The following ZNF182 variants were observed in gnomAD, a reference collection of about 807,000 sequenced individuals.
ZNF182 encodes zinc finger protein 21 (KOX 14).
In ZNF182, 10 loss-of-function variants were observed where a neutral mutation model predicts 28.1. The ratio of observed to expected loss-of-function variants is 0.36; its 90% confidence interval spans 0.22 to 0.60. The LOEUF is 0.60. ZNF182 is among the 20% of genes least tolerant of loss of function. The pLI is 0.75. For synonymous variants in ZNF182, 156 were observed against 158.7 expected (o/e 0.98, Z 0.13); for missense variants, 352 against 453.2 (o/e 0.78, Z 2.03).
intron 3 of ZNF182, among the ~76,000 whole-genome samples, chrX:47,994,287 A>G (rs983403971): frequency 8.9e-6 from 1 of 112,584 alleles, no homozygotes; most frequent in East Asian, 2.8e-4. Context: ...ACTGTCTACC[A>G]CCAATTCTAT....
intron 5 of ZNF182, among the ~76,000 whole-genome samples, chrX:47,979,471 G>C (rs2058896867): frequency 1.8e-5 from 2 of 110,677 alleles, no homozygotes; most frequent in South Asian, 3.8e-4. Flanking sequence ...CCTTTCACTT[G>C]GTCTATGACC....
chrX:47,996,497 T>C (rs1389552270), intron 3 of ZNF182, among the ~76,000 whole-genome samples: 1 of 111,416 alleles, frequency 9.0e-6, no homozygotes, highest in East Asian at 2.8e-4. Context: ...AGAAAACAAA[T>C]AATAAAGTGG....
intron 3 of ZNF182, among the ~76,000 whole-genome samples, chrX:47,998,532 A>G (rs1305395802): frequency 2.7e-5 from 3 of 112,311 alleles, no homozygotes; most frequent in Non-Finnish European, 5.6e-5. Flanking sequence ...AAAATACAAC[A>G]TATGAAAATG....
At chrX:47,985,277 A>G (rs1556899670) in intron 3 of ZNF182, among the ~76,000 whole-genome samples, 1 of 112,706 alleles carries the variant, frequency 8.9e-6, no homozygotes, top group Non-Finnish European at 1.9e-5. Context: ...TGATTTATGC[A>G]ACGACATGGA....
At chrX:47,993,303 T>TC (rs2058948021) in intron 3 of ZNF182, among the ~76,000 whole-genome samples, 1 of 112,338 alleles carries the variant, frequency 8.9e-6, no homozygotes, top group South Asian at 3.7e-4. Flanking sequence ...GTAGAACTCT[T>TC]CCATTTGACT....
In ZNF182 at chrX:47,976,280, A is replaced by C; in HGVS notation, c.1750T>G (p.Cys584Gly). The C allele has an allele frequency of 8.3e-7, 1 of 1,206,500 alleles. No homozygotes were observed. Among genetic ancestry groups the C allele is most frequent in the Non-Finnish European group, 1.1e-6 (1 of 893,675 alleles). ...GATTTTTGGGTAAAGGCTTTCCCACATTCTGTACATTTATAGGGTTTCTCT... is the reference window on the plus strand; with the variant it reads ...GATTTTTGGGTAAAGGCTTTCCCACCTTCTGTACATTTATAGGGTTTCTCT... Reference protein sequence around the residue: ...TGEKPYKCTECGKAFTQKSNL... With the variant: ...TGEKPYKCTEGGKAFTQKSNL... The change falls in exon 6 of 6, where the codon TGT becomes GGT. Residue 584 changes from cysteine to glycine, a missense_variant. Transcript: ENST00000376943.
At position 47,986,817 on chromosome X, in the gene ZNF182, G is replaced by A. The variant is rs781931086; in HGVS notation, c.16-3406C>T. Among the ~76,000 whole-genome samples, 14 of 111,981 alleles carry A rather than the reference G, an allele frequency of 1.3e-4. 1 individual carries two copies. The East Asian group carries it at 1.4e-3, about 11-fold the overall frequency. Reference sequence around the variant, plus strand: ...GGAGGAGCTGGCTTTCTGAGCTTCCGGCCTTCATCTTTCTCCCATACTGGA... The same window carrying A: ...GGAGGAGCTGGCTTTCTGAGCTTCCAGCCTTCATCTTTCTCCCATACTGGA... On this transcript the variant is annotated intron_variant, in intron 3 of 5. Coordinates refer to ENST00000376943, the MANE Select transcript of ZNF182 (RefSeq NM_001007088.2).
chrX:47,994,393 A>G (rs782727052), intron 3 of ZNF182, among the ~76,000 whole-genome samples: 1 of 112,179 alleles, frequency 8.9e-6, no homozygotes, highest in East Asian at 2.8e-4. Context: ...CCTACTCTTA[A>G]GAAAATGCCT....
Position 47,975,066 on chromosome X carries a change from C to T in ZNF182, c.*1101G>A, listed in dbSNP as rs782444698. ...TATGAATTCACAATTATGTACTTAC[C>T]ATTTTTCTCCTTTTTATATACAAAT... On this transcript the variant is annotated 3_prime_UTR_variant, in exon 6 of 6. Transcript: ENST00000376943. 9.0e-6 allele frequency: 1 copy of T among 111,412 alleles called. No individual in the cohort carries two copies. The highest frequency in any genetic ancestry group is 1.9e-5 in the Non-Finnish European group (1 of 53,092). 9.2% of individuals were successfully genotyped at this position (111,412 alleles called of 1,213,427 possible). A position where few individuals can be genotyped will look rare whatever the true frequency, so the allele number is the denominator to read the frequency against.
Position 47,977,486 on chromosome X carries a change from G to A in ZNF182, c.544C>T (p.Pro182Ser). Residue 182 changes from proline to serine, a missense_variant, in exon 6 of 6, where the codon CCT becomes TCT. By Grantham distance (74) the Pro-to-Ser change is moderately conservative (BLOSUM62 -1). Coordinates refer to ENST00000376943, the MANE Select transcript of ZNF182 (RefSeq NM_001007088.2). ...FFHTEYEKTN[P>S]GMKPYGYKEC... ...TTATAGCCATAGGGCTTCATTCCAGGATTTGTTTTCTCATACTCAGTATGG... is the reference window on the plus strand; with the variant it reads ...TTATAGCCATAGGGCTTCATTCCAGAATTTGTTTTCTCATACTCAGTATGG... The A allele has an allele frequency of 8.3e-7, 1 of 1,211,426 alleles. No individual in the cohort carries two copies.
chrX:47,985,448 A>G (rs1404934065), intron 3 of ZNF182, among the ~76,000 whole-genome samples: 2 of 111,655 alleles, frequency 1.8e-5, no homozygotes, highest in Non-Finnish European at 3.8e-5. Context: ...CTGGTCAGCA[A>G]TACTGTGCAT....
chrX:47,983,503 T>C, intron 3 of ZNF182, 92 bp from the exon 4 acceptor site: 2 of 971,468 alleles, frequency 2.1e-6, no homozygotes, highest in Non-Finnish European at 1.4e-6. Flanking sequence ...TCCTGGTTCA[T>C]CATGATGACT....
At chrX:47,982,528 C>G (rs1186108452) in intron 5 of ZNF182, among the ~76,000 whole-genome samples, 1 of 112,025 alleles carries the variant, frequency 8.9e-6, no homozygotes, top group African/African-American at 3.2e-5. Context: ...GAGAGCAAAT[C>G]TGACAAATAT....
chrX:47,985,987 C>T (rs782434452), intron 3 of ZNF182, among the ~76,000 whole-genome samples: 1 of 111,804 alleles, frequency 8.9e-6, no homozygotes, highest in Non-Finnish European at 1.9e-5. Flanking sequence ...TACTCCACAA[C>T]GGAGGTAAAG....
intron 5 of ZNF182, among the ~76,000 whole-genome samples, chrX:47,980,990 C>T (rs1466901228): frequency 1.8e-5 from 2 of 111,651 alleles, no homozygotes; most frequent in Non-Finnish European, 3.8e-5. Flanking sequence ...AAGCAACAGC[C>T]TCAAGAAGAA....
chrX:47,994,248 T>C (rs2058950845), intron 3 of ZNF182, among the ~76,000 whole-genome samples: 1 of 112,193 alleles, frequency 8.9e-6, no homozygotes, highest in South Asian at 3.6e-4. Flanking sequence ...AAAAGTAGCA[T>C]AATATTTTTC....
chrX:47,989,703 T>G (rs1054072298), intron 3 of ZNF182, among the ~76,000 whole-genome samples: 3 of 112,277 alleles, frequency 2.7e-5, no homozygotes, highest in Admixed American at 1.9e-4. Context: ...GTGTGTTCAG[T>G]GTAATTTAAT....
intron 2 of ZNF182, among the ~76,000 whole-genome samples, chrX:48,003,257 G>A (rs2058985061): frequency 8.9e-6 from 1 of 112,312 alleles, no homozygotes. Flanking sequence ...GTCTAAAAAC[G>A]GACATTTAAA....
rs193264691 is a variant in ZNF182, at chrX:47,989,665, T to C, written c.16-6254A>G. On this transcript the variant is annotated intron_variant, in intron 3 of 5. Coordinates refer to ENST00000376943, the MANE Select transcript of ZNF182 (RefSeq NM_001007088.2). ...AATATAAAGAATATACACTGCATAA[T>C]AGTATTATATCAATGTTAACTTTCT... 3.0e-4 allele frequency among the ~76,000 whole-genome samples: 34 copies of C among 112,168 alleles called. No individual in the cohort carries two copies. In the East Asian group the frequency reaches 3.3e-3, roughly 11 times the overall value.
Sources: allele counts gnomAD v4.1 joint callset (sites outside exome capture counted in the v4.1 genomes callset), GRCh38; gene constraint gnomAD v4.1.1; transcripts MANE v1.5; gene names NCBI Gene and HGNC (gene_info 2026-07-23, HGNC 2026-07-21).